Variants in BORCS5 observed in about 807,000 individuals in gnomAD.
BORCS5 encodes BLOC-1-related complex subunit 5.
In BORCS5, 17 loss-of-function variants were observed where a neutral mutation model predicts 22.1. The observed-to-expected ratio is 0.77, with a 90% CI of 0.53 to 1.15. BORCS5 has a LOEUF of 1.15. Among genes scored for constraint, BORCS5 ranks in the 50% most tolerant of loss-of-function variants. BORCS5 has a pLI of 0.00. For synonymous variants in BORCS5, 117 were observed against 99.8 expected, an observed-to-expected ratio of 1.17 and a Z score of -1.03; for missense variants, 247 against 253.2, an observed-to-expected ratio of 0.98 and a Z score of 0.17.
rs531128278 is a variant in BORCS5, at chr12:12,464,446, C to G, written c.361-1100C>G. Among the ~76,000 whole-genome samples, 3 of 152,252 alleles carry G rather than the reference C, an allele frequency of 2.0e-5. No individual in the cohort carries two copies. The South Asian group carries it at 6.2e-4, about 32-fold the overall frequency. ...TCTCTCGAAGCCATTTTCAGAGGCT[C>G]TCTGGTACCGGGTGTTGAGCCCTTG... On this transcript the variant is annotated intron_variant, in intron 3 of 3. Transcript: ENST00000314565.
At chr12:12,390,309 C>T (rs1194987848) in intron 2 of BORCS5, among the ~76,000 whole-genome samples, 1 of 152,050 alleles carries the variant, frequency 6.6e-6, no homozygotes, top group Non-Finnish European at 1.5e-5. Context: ...TGTCTTAGAC[C>T]ATCTCCTTCA....
chr12:12,364,823 C>T (rs770854695), intron 2 of BORCS5, among the ~76,000 whole-genome samples: 1 of 152,020 alleles, frequency 6.6e-6, no homozygotes, highest in African/African-American at 2.4e-5. Context: ...AAAACTTAGC[C>T]GGGCATGGTG....
At chr12:12,390,966 G>GA (rs1311842323) in intron 2 of BORCS5, among the ~76,000 whole-genome samples, 1 of 151,978 alleles carries the variant, frequency 6.6e-6, no homozygotes, top group Non-Finnish European at 1.5e-5. Flanking sequence ...CTTAGAAATA[G>GA]AAAAAAGTAC....
chr12:12,453,178 G>T (rs1051462526), intron 3 of BORCS5, among the ~76,000 whole-genome samples: 14 of 152,176 alleles, frequency 9.2e-5, no homozygotes, highest in Non-Finnish European at 1.8e-4. Flanking sequence ...ATTTCACTAT[G>T]TATATGTATG....
At chr12:12,383,185 G>A (rs1371387002) in intron 2 of BORCS5, among the ~76,000 whole-genome samples, 1 of 150,956 alleles carries the variant, frequency 6.6e-6, no homozygotes, top group African/African-American at 2.4e-5. Context: ...TTGCTGTAGG[G>A]ATTACAGTGT....
At chr12:12,415,433 G>C (rs1180818442) in intron 2 of BORCS5, among the ~76,000 whole-genome samples, 23 of 136,598 alleles carry the variant, frequency 1.7e-4, no homozygotes, top group African/African-American at 4.7e-4. Context: ...GCCTGCAATC[G>C]CAGGCACTCG....
At chr12:12,455,326 C>A (rs1177056869) in intron 3 of BORCS5, among the ~76,000 whole-genome samples, 1 of 152,136 alleles carries the variant, frequency 6.6e-6, no homozygotes, top group African/African-American at 2.4e-5. Context: ...AAACTGACAT[C>A]CTTGGGGAAC....
chr12:12,361,504 A>G (rs944597270), intron 2 of BORCS5, among the ~76,000 whole-genome samples, 155 bp downstream of exon 2: 1 of 152,054 alleles, frequency 6.6e-6, no homozygotes, highest in African/African-American at 2.4e-5. Flanking sequence ...TGATTTCCTT[A>G]ATTAAAACTG....
chr12:12,433,647 A>T (rs1346624591), intron 2 of BORCS5, among the ~76,000 whole-genome samples: 1 of 152,202 alleles, frequency 6.6e-6, no homozygotes, highest in Non-Finnish European at 1.5e-5. Flanking sequence ...TCAATTAAAA[A>T]ATTCCCAATT....
At chr12:12,419,118 A>G (rs1243244312) in intron 2 of BORCS5, among the ~76,000 whole-genome samples, 1 of 152,132 alleles carries the variant, frequency 6.6e-6, no homozygotes, top group East Asian at 1.9e-4. Flanking sequence ...ATAGGTATAT[A>G]TGTGCCATGT....
intron 3 of BORCS5, among the ~76,000 whole-genome samples, chr12:12,449,874 A>G (rs1239260374): frequency 6.6e-6 from 1 of 152,216 alleles, no homozygotes; most frequent in African/African-American, 2.4e-5. Flanking sequence ...AGACGTGTGC[A>G]GTTTTGACTG....
chr12:12,412,579 ACTT>A (rs1442637377), intron 2 of BORCS5, among the ~76,000 whole-genome samples: 1 of 152,118 alleles, frequency 6.6e-6, no homozygotes, highest in African/African-American at 2.4e-5. Flanking sequence ...ACATAATTTA[ACTT>A]CTTTCTTTCT....
chr12:12,469,585 G>A lies in BORCS5; in HGVS notation c.*3809G>A, dbSNP rs1943256799. 6.6e-6 allele frequency: 1 copy of A among 152,206 alleles called. No individual in the cohort carries two copies. The highest frequency in any genetic ancestry group is 6.5e-5 in the Admixed American group (1 of 15,286). 9.4% of individuals were successfully genotyped at this position (152,206 alleles called of 1,614,324 possible). A position where few individuals can be genotyped will look rare whatever the true frequency, so the allele number is the denominator to read the frequency against. Reference sequence around the variant, plus strand: ...GAATGACGTATGCCACTTTTGTGTTGATTTGTAGAACTTACTTAGCTTTGG... The same window carrying A: ...GAATGACGTATGCCACTTTTGTGTTAATTTGTAGAACTTACTTAGCTTTGG... On this transcript the variant is annotated 3_prime_UTR_variant, in exon 4 of 4. Transcript: ENST00000314565.
intron 2 of BORCS5, among the ~76,000 whole-genome samples, chr12:12,412,488 T>C (rs1941761399): frequency 1.3e-5 from 2 of 152,190 alleles, no homozygotes; most frequent in Admixed American, 6.5e-5. Flanking sequence ...CTTTGGTGAA[T>C]TTATTTATTT....
chr12:12,392,402 T>A (rs1418352226), intron 2 of BORCS5, among the ~76,000 whole-genome samples: 1 of 152,114 alleles, frequency 6.6e-6, no homozygotes, highest in Non-Finnish European at 1.5e-5. Context: ...CAGGAATTTA[T>A]TCCAAGTTAC....
chr12:12,388,981 A>G (rs1485083049), intron 2 of BORCS5, among the ~76,000 whole-genome samples: 3 of 150,816 alleles, frequency 2.0e-5, no homozygotes, highest in African/African-American at 7.3e-5. Context: ...TTTTATCCCT[A>G]CTTTTACTTT....
chr12:12,449,103 G>A (rs1007064779), intron 3 of BORCS5, among the ~76,000 whole-genome samples: 1 of 152,164 alleles, frequency 6.6e-6, no homozygotes, highest in African/African-American at 2.4e-5. Context: ...CTTTTTAACA[G>A]TGTCTCAGAG....
intron 2 of BORCS5, among the ~76,000 whole-genome samples, chr12:12,421,291 G>T (rs1942116030): frequency 6.6e-6 from 1 of 152,130 alleles, no homozygotes; most frequent in Non-Finnish European, 1.5e-5. Context: ...GGCCTTTTCT[G>T]CATCTATTGA....
intron 3 of BORCS5, among the ~76,000 whole-genome samples, chr12:12,437,973 C>T (rs1942589233): frequency 6.6e-6 from 1 of 152,058 alleles, no homozygotes; most frequent in African/African-American, 2.4e-5. Flanking sequence ...AAGCGATCCT[C>T]CCGCCTCTGC....
Sources: gnomAD v4.1 joint callset for allele counts (sites outside exome capture counted in the v4.1 genomes callset) on GRCh38, gnomAD v4.1.1 for gene constraint, MANE v1.5 for transcripts, NCBI Gene and HGNC (gene_info 2026-07-23, HGNC 2026-07-21) for gene names.